Variants in GNAS observed in about 807,000 individuals in gnomAD.
GNAS encodes the protein protein ALEX.
A neutral mutation model predicts 54.5 loss-of-function variants in GNAS; 8 were observed. The observed-to-expected ratio is 0.15, with a 90% CI of 0.09 to 0.26. GNAS has a LOEUF of 0.26. Among genes scored for constraint, GNAS ranks in the 10% least tolerant of loss-of-function variants. GNAS has a pLI of 1.00. For synonymous variants in GNAS, 204 were observed against 191.4 expected (o/e 1.07, Z -0.54); for missense variants, 170 against 529.8 (o/e 0.32, Z 6.67).
At chr20:58,840,542 G>C, upstream of GNAS, 1 of 1,613,382 alleles carries the variant, frequency 6.2e-7, no homozygotes, top group Non-Finnish European at 8.5e-7. The surrounding 1 kb of genome is among the most constrained non-coding windows in gnomAD (Gnocchi z 6.0). Context: ...AGACGATCGC[G>C]GCCCGGTGGT....
At chr20:58,889,349 C>G, upstream of GNAS, 2 of 985,502 alleles carry the variant, frequency 2.0e-6, no homozygotes, top group South Asian at 4.6e-5. Flanking sequence ...GCACCTCACT[C>G]ACATGTAAGT....
chr20:58,878,136 A>C, intron 1 of GNAS, among the ~76,000 whole-genome samples: 1 of 152,236 alleles, frequency 6.6e-6, no homozygotes, highest in East Asian at 1.9e-4. Context: ...TACGCAGAGC[A>C]CAAGAGATGA....
chr20:58,850,879 G>C, intron 1 of GNAS: 1 of 398,710 alleles, frequency 2.5e-6, no homozygotes, highest in Non-Finnish European at 4.4e-6. Flanking sequence ...GCACCTCTTC[G>C]GGCGTTCCAA....
intron 5 of GNAS, among the ~76,000 whole-genome samples, chr20:58,904,639 C>T (rs1482292357): frequency 6.6e-6 from 1 of 152,160 alleles, no homozygotes; most frequent in Non-Finnish European, 1.5e-5. Context: ...TGCCTTTTGT[C>T]AGGCTTTCGT....
upstream of GNAS, among the ~76,000 whole-genome samples, chr20:58,889,887 A>T (rs929182280): frequency 1.3e-5 from 2 of 151,524 alleles, no homozygotes; most frequent in African/African-American, 4.8e-5. Context: ...CACCATGCTG[A>T]AGATGGCCAT....
rs757498207 is a variant in GNAS at position 58,903,704 on chromosome 20, C to T, written c.345C>T (p.Pro115=). ...TGGCCGCCATGAGCAACCTGGTGCC[C>T]CCCGTGGAGCTGGCCAACCCCGAGA... ...TIVAAMSNLV[P]PVELANPENQ... The change falls in exon 5 of 13, where the codon CCC becomes CCT. Residue 115 remains proline, a synonymous_variant. Transcript: ENST00000371085. The T allele has an allele frequency of 5.6e-6, 9 of 1,613,882 alleles. No individual in the cohort carries two copies. Among genetic ancestry groups the T allele is most frequent in the African/African-American group, 1.3e-5 (1 of 74,982 alleles).
rs1333780891 is a variant in GNAS, at chr20:58,911,114, TAAAAG to T, written c.*289_*293del. On this transcript the variant is annotated 3_prime_UTR_variant, in exon 13 of 13. Coordinates refer to ENST00000371085, the MANE Select transcript of GNAS (RefSeq NM_000516.7). ...GCAGCAGCAAACAAATAAAATGAAA[TAAAAG>T]AAACAAATGAAATAAATATTGTGTT... The T allele has an allele frequency of 1.7e-5, 10 of 571,528 alleles. No homozygotes were observed. The highest frequency in any genetic ancestry group is 3.2e-5 in the Non-Finnish European group (10 of 310,948). 35.4% of individuals were successfully genotyped at this position (571,528 alleles called of 1,614,324 possible).
intron 1 of GNAS, among the ~76,000 whole-genome samples, chr20:58,843,065 A>G (rs2085798832): frequency 6.6e-6 from 1 of 152,160 alleles, no homozygotes; most frequent in Non-Finnish European, 1.5e-5. Flanking sequence ...ACATGTAGCG[A>G]GGAGGGGCAA....
chr20:58,907,251 A>G lies in GNAS; in HGVS notation c.530+1771A>G, dbSNP rs549394758. Reference sequence around the variant, plus strand: ...TTATTTTCAATTGCCACATACATAGATATTCCACGGTTTAATATACAAGCA... The same window carrying G: ...TTATTTTCAATTGCCACATACATAGGTATTCCACGGTTTAATATACAAGCA... On this transcript the variant is annotated intron_variant, in intron 6 of 12. Coordinates refer to ENST00000371085, the MANE Select transcript of GNAS (RefSeq NM_000516.7). Among the ~76,000 whole-genome samples the G allele has an allele frequency of 1.6e-4, 24 of 152,250 alleles. No homozygotes were observed. The East Asian group carries it at 4.6e-3, about 29-fold the overall frequency.
In GNAS at chr20:58,853,790, T is replaced by C. The variant is rs114255910; in HGVS notation, c.43+12904T>C. 1.4e-3 allele frequency: 2,290 copies of C among 1,611,290 alleles called. 21 individuals are homozygous for C. In the African/African-American group the frequency reaches 0.027, roughly 19 times the overall value. ...ACCAGCCTGCCCAGAGAGGCTGCAG[T>C]CAACTTCTCTTACAGGTCCCAGACC... On this transcript the variant is annotated intron_variant, in intron 1 of 12. Transcript: ENST00000306090. This position sits in a 1 kb window ranked among gnomAD's most constrained non-coding sequence, Gnocchi z 4.4.
At chr20:58,900,769 A>T (rs1018579669) in intron 3 of GNAS, among the ~76,000 whole-genome samples, 2 of 152,218 alleles carry the variant, frequency 1.3e-5, no homozygotes, top group Admixed American at 1.3e-4. Flanking sequence ...AAAAGTGATG[A>T]TAAACCCGCC....
intron 1 of GNAS, among the ~76,000 whole-genome samples, chr20:58,894,876 G>A (rs1168314221): frequency 6.6e-6 from 1 of 152,160 alleles, no homozygotes; most frequent in East Asian, 1.9e-4. Flanking sequence ...ATGTTAAAGT[G>A]TGGTTTTTCC....
rs1314568087 is a variant in GNAS at position 58,844,353 on chromosome 20, C to T, written c.43+3467C>T. On this transcript the variant is annotated intron_variant, in intron 1 of 12. Transcript: ENST00000306090. Reference sequence around the variant, plus strand: ...AATCACCCAGCAGAGGGATGAGATGCTCAAATGACATCTTTAATCCCCATG... The same window carrying T: ...AATCACCCAGCAGAGGGATGAGATGTTCAAATGACATCTTTAATCCCCATG... Among the ~76,000 whole-genome samples the T allele has an allele frequency of 5.3e-5, 8 of 152,196 alleles. No individual in the cohort carries two copies. In the South Asian group the frequency reaches 1.0e-3, roughly 20 times the overall value.
chr20:58,882,018 C>T (rs370213772), intron 1 of GNAS, among the ~76,000 whole-genome samples: 52 of 152,292 alleles, frequency 3.4e-4, no homozygotes, highest in African/African-American at 1.2e-3. Flanking sequence ...CTTTTCCCTA[C>T]CTTTCTAGAC....
upstream of GNAS, chr20:58,840,729 AG>A: frequency 6.2e-7 from 1 of 1,604,520 alleles, no homozygotes; most frequent in Non-Finnish European, 8.5e-7. This position sits in a 1 kb window ranked among gnomAD's most constrained non-coding sequence, Gnocchi z 6.0. Flanking sequence ...GAAGAGTCGA[AG>A]GAGCCCAAGG....
intron 2 of GNAS, chr20:58,898,236 A>AT (rs1395879674): frequency 1.3e-5 from 2 of 151,750 alleles, no homozygotes; most frequent in Non-Finnish European, 2.9e-5. Context: ...GTTTATGAAG[A>AT]TCGGGTTTGG....
rs575623277 is a variant in GNAS, at chr20:58,841,970, C to A, written c.43+1084C>A. 11 of 1,084,570 alleles carry A rather than the reference C, an allele frequency of 1.0e-5. No homozygotes were observed. The highest frequency in any genetic ancestry group is 1.2e-5 in the Non-Finnish European group (10 of 853,486). 67.2% of individuals were successfully genotyped at this position (1,084,570 alleles called of 1,614,324 possible). On this transcript the variant is annotated intron_variant, in intron 1 of 12. Coordinates refer to the GNAS transcript ENST00000306090. This position sits in a 1 kb window ranked among gnomAD's most constrained non-coding sequence, Gnocchi z 5.0. The stretch of plus-strand genomic sequence containing the variant: ...TCCAAAGAGCGCGGTACGCGCAGAG[C>A]TGGGGAAAGGTGTTGGATCCGGCGC...
At chr20:58,864,956 C>A (rs1284737590) in intron 1 of GNAS, among the ~76,000 whole-genome samples, 2 of 150,488 alleles carry the variant, frequency 1.3e-5, no homozygotes, top group Non-Finnish European at 3.0e-5. Flanking sequence ...CACACACACA[C>A]AAACACACAC....
chr20:58,893,367 A>G (rs1319948184), intron 1 of GNAS, among the ~76,000 whole-genome samples: 1 of 152,216 alleles, frequency 6.6e-6, no homozygotes, highest in African/African-American at 2.4e-5. Flanking sequence ...AGAATTACAC[A>G]GCATTAATTA....
Sources: allele counts gnomAD v4.1 joint callset (sites outside exome capture counted in the v4.1 genomes callset), GRCh38; gene constraint gnomAD v4.1.1; non-coding constraint Gnocchi (gnomAD v3.1); transcripts MANE v1.5; gene names NCBI Gene and HGNC (gene_info 2026-07-23, HGNC 2026-07-21).